AGK: variants seen among roughly 807,000 people sequenced by gnomAD.
AGK encodes acylglycerol kinase, also known as acylglycerol kinase, mitochondrial.
In AGK, 52 loss-of-function variants were observed where a neutral mutation model predicts 66.4. That is an observed-to-expected ratio of 0.78 (90% CI 0.63 to 0.99). AGK has a LOEUF of 0.99. Among genes scored for constraint, AGK ranks in the 50% least tolerant of loss-of-function variants. The probability of loss-of-function intolerance (pLI) is 0.00; values close to 1 mark genes in which losing one functional copy is unlikely to be tolerated. For missense variants in AGK, 451 were observed against 506.6 expected, an observed-to-expected ratio of 0.89 and a Z score of 1.05; for synonymous variants, 182 against 181.1, an observed-to-expected ratio of 1.00 and a Z score of -0.04.
intron 12 of AGK, 41 bp from the exon 13 acceptor site, chr7:141,641,770 T>C: frequency 2.6e-6 from 4 of 1,522,920 alleles, no homozygotes; most frequent in Non-Finnish European, 3.6e-6. Flanking sequence ...TGGTGAAATG[T>C]TAATGGAAGA....
chr7:141,606,761 G>T (rs1796468246), intron 5 of AGK, among the ~76,000 whole-genome samples: 1 of 152,040 alleles, frequency 6.6e-6, no homozygotes, highest in African/African-American at 2.4e-5. Context: ...ATAATGCATT[G>T]TGTTCACCAT....
intron 15 of AGK, 178 bp from the exon 16 acceptor site, chr7:141,652,609 C>T (rs1587181362): frequency 1.9e-6 from 1 of 521,432 alleles, no homozygotes; most frequent in East Asian, 2.9e-5. Context: ...TTTCCAGAAC[C>T]AGCACTGTGC....
chr7:141,568,559 C>G (rs1176621433), intron 2 of AGK, among the ~76,000 whole-genome samples: 1 of 151,676 alleles, frequency 6.6e-6, no homozygotes, highest in African/African-American at 2.4e-5. Context: ...CCAGGGCCAT[C>G]CCATTTCTTT....
intron 1 of AGK, among the ~76,000 whole-genome samples, chr7:141,552,893 C>G (rs1319162794): frequency 1.3e-5 from 2 of 152,130 alleles, no homozygotes; most frequent in Non-Finnish European, 2.9e-5. Flanking sequence ...AGATCATACC[C>G]CCTTTTTCCA....
intron 8 of AGK, among the ~76,000 whole-genome samples, chr7:141,618,845 C>T (rs1221962822): frequency 6.6e-6 from 1 of 152,032 alleles, no homozygotes; most frequent in East Asian, 1.9e-4. Context: ...TGTAGTTGTA[C>T]TTAAACTCCA....
At chr7:141,600,191 G>C (rs1796312477) in intron 4 of AGK, among the ~76,000 whole-genome samples, 1 of 152,150 alleles carries the variant, frequency 6.6e-6, no homozygotes, top group South Asian at 2.1e-4. Flanking sequence ...TTAGGTGTTT[G>C]ACATTGATTG....
At chr7:141,604,730 C>T (rs568331993) in intron 5 of AGK, among the ~76,000 whole-genome samples, 27 of 151,596 alleles carry the variant, frequency 1.8e-4, no homozygotes, top group African/African-American at 5.8e-4. Flanking sequence ...ATTACAGGTG[C>T]GTGCCACCAC....
intron 2 of AGK, among the ~76,000 whole-genome samples, chr7:141,578,615 T>C (rs1315464366): frequency 6.6e-6 from 1 of 151,738 alleles, no homozygotes; most frequent in Non-Finnish European, 1.5e-5. Context: ...GTAGGGGCAG[T>C]GTGGGAACCT....
chr7:141,626,509 A>G (rs1796941027), intron 9 of AGK, among the ~76,000 whole-genome samples: 1 of 152,226 alleles, frequency 6.6e-6, no homozygotes, highest in Non-Finnish European at 1.5e-5. Context: ...GGAGAAATCT[A>G]GTGATCAAAC....
chr7:141,585,704 A>G (rs1240823311), intron 2 of AGK, among the ~76,000 whole-genome samples: 1 of 152,240 alleles, frequency 6.6e-6, no homozygotes, highest in African/African-American at 2.4e-5. Context: ...AAAGTAATAA[A>G]TAAAACATTT....
At chr7:141,557,475 C>T (rs1050281582) in intron 2 of AGK, among the ~76,000 whole-genome samples, 2 of 152,222 alleles carry the variant, frequency 1.3e-5, no homozygotes, top group Non-Finnish European at 2.9e-5. Flanking sequence ...ATGGCTAGGT[C>T]AGTCGGGGAA....
intron 9 of AGK, among the ~76,000 whole-genome samples, chr7:141,631,788 C>T (rs374041395): frequency 9.9e-5 from 15 of 152,268 alleles, no homozygotes; most frequent in African/African-American, 2.6e-4. Context: ...TTCCCATCTC[C>T]GAATAACACC....
chr7:141,572,793 C>T (rs867200456), intron 2 of AGK, among the ~76,000 whole-genome samples: 3 of 151,602 alleles, frequency 2.0e-5, no homozygotes, highest in Middle Eastern at 3.4e-3. Flanking sequence ...TTTGAAACCC[C>T]GACAGGCTAT....
At chr7:141,620,314 T>C (rs1266710117) in intron 8 of AGK, among the ~76,000 whole-genome samples, 2 of 152,156 alleles carry the variant, frequency 1.3e-5, no homozygotes, top group Non-Finnish European at 2.9e-5. Context: ...AAGTATGAAT[T>C]TTACTGTGTA....
chr7:141,581,051 G>T (rs1278934309), intron 2 of AGK, among the ~76,000 whole-genome samples: 3 of 151,958 alleles, frequency 2.0e-5, no homozygotes, highest in Non-Finnish European at 2.9e-5. Flanking sequence ...GAGTTGTTTT[G>T]TAGAAGGGGT....
chr7:141,622,289 AC>A (rs1371859524), intron 9 of AGK, among the ~76,000 whole-genome samples: 2 of 151,990 alleles, frequency 1.3e-5, no homozygotes, highest in Admixed American at 1.3e-4. Context: ...TCACTTTTAG[AC>A]CTTATCTTTG....
chr7:141,643,358 TA>T (rs953389228), intron 13 of AGK, among the ~76,000 whole-genome samples: 29 of 152,008 alleles, frequency 1.9e-4, no homozygotes, highest in Admixed American at 5.9e-4. Context: ...AGTTTGAAGT[TA>T]AAAAAAAGTA....
At chr7:141,566,245 C>T (rs943790664) in intron 2 of AGK, among the ~76,000 whole-genome samples, 13 of 152,190 alleles carry the variant, frequency 8.5e-5, no homozygotes, top group African/African-American at 1.2e-4. Context: ...GTACTATGAA[C>T]TCCTCCTATA....
intron 2 of AGK, among the ~76,000 whole-genome samples, chr7:141,556,444 G>A (rs1795211327): frequency 6.6e-6 from 1 of 151,852 alleles, no homozygotes; most frequent in African/African-American, 2.4e-5. Context: ...GGGAGGCTGA[G>A]GCAGGAGAAT....
Sources: allele counts gnomAD v4.1 joint callset (sites outside exome capture counted in the v4.1 genomes callset), GRCh38; gene constraint gnomAD v4.1.1; transcripts MANE v1.5; gene names NCBI Gene and HGNC (gene_info 2026-07-23, HGNC 2026-07-21).